The following PABPC4L variants were observed in gnomAD, a reference collection of about 807,000 sequenced individuals.
PABPC4L encodes the protein polyadenylate-binding protein 4-like.
For synonymous variants in PABPC4L, 169 were observed against 164.1 expected, an observed-to-expected ratio of 1.03 and a Z score of -0.23; for missense variants, 452 against 451.4, an observed-to-expected ratio of 1.00 and a Z score of -0.01.
At chr4:134,066,199 G>C in the PABPC4L span, among the ~76,000 whole-genome samples, 1 of 151,920 alleles carries the variant, frequency 6.6e-6, no homozygotes, top group Non-Finnish European at 1.5e-5. Flanking sequence ...TGAGAGTTTT[G>C]TTCATGTCAT....
At chr4:134,110,563 GT>G in the PABPC4L span, among the ~76,000 whole-genome samples, 4 of 376 alleles carry the variant, frequency 0.011, no homozygotes, top group East Asian at 0.29. Flanking sequence ...TCTGTCTTGT[GT>G]GTGTGTGTGT....
chr4:134,080,419 G>A, the PABPC4L span, among the ~76,000 whole-genome samples: 1 of 152,210 alleles, frequency 6.6e-6, no homozygotes, highest in Non-Finnish European at 1.5e-5. Context: ...TCCCAATATA[G>A]CAGTAGGAGT....
chr4:134,027,358 C>T, the PABPC4L span, among the ~76,000 whole-genome samples: 9 of 152,174 alleles, frequency 5.9e-5, no homozygotes, highest in African/African-American at 2.2e-4. Context: ...TCTTGAAATT[C>T]CAGCCAACCC....
rs975938272 is a variant in PABPC4L at position 134,200,986 on chromosome 4, G to A, written c.34C>T (p.Leu12=). The change falls in exon 2 of 2, where the codon CTG becomes TTG. Residue 12 remains leucine, a synonymous_variant. Coordinates refer to ENST00000421491, the MANE Select transcript of PABPC4L (RefSeq NM_001114734.2). ...TCTGCATGTAAGTCACCCACATACA[G>A]GGAGGCCATGCGGTACTTGGCTGCT... is the stretch of plus-strand genomic sequence containing the variant. The part of the protein sequence containing the change: ...NVAAKYRMAS[L]YVGDLHADVT... The A allele has an allele frequency of 1.9e-6, 3 of 1,552,504 alleles. No individual in the cohort carries two copies. The highest frequency in any genetic ancestry group is 2.6e-6 in the Non-Finnish European group (3 of 1,147,480).
the PABPC4L span, among the ~76,000 whole-genome samples, chr4:134,184,074 C>T: frequency 9.2e-5 from 14 of 151,910 alleles, no homozygotes; most frequent in South Asian, 2.9e-3. Context: ...TTCCCACTCT[C>T]TGAAATGAAG....
the PABPC4L span, among the ~76,000 whole-genome samples, chr4:134,043,252 T>G: frequency 6.6e-6 from 1 of 152,196 alleles, no homozygotes; most frequent in Admixed American, 6.5e-5. Flanking sequence ...TTGATGCTAT[T>G]AGTTTATTTA....
At chr4:134,076,450 G>A in the PABPC4L span, among the ~76,000 whole-genome samples, 2 of 152,124 alleles carry the variant, frequency 1.3e-5, no homozygotes, top group African/African-American at 4.8e-5. Flanking sequence ...GTGAAGATGG[G>A]AACATCTTCA....
At chr4:134,099,273 G>T in the PABPC4L span, among the ~76,000 whole-genome samples, 10 of 151,502 alleles carry the variant, frequency 6.6e-5, no homozygotes, top group Non-Finnish European at 1.5e-4. Context: ...AAACAAATAT[G>T]ACTCTTTTAT....
the PABPC4L span, among the ~76,000 whole-genome samples, chr4:134,184,923 T>C: frequency 0.022 from 3,395 of 152,050 alleles, 128 homozygotes; most frequent in African/African-American, 0.077. Flanking sequence ...TATTTTTATT[T>C]GTGAGTCTCT....
chr4:134,033,943 T>C, the PABPC4L span, among the ~76,000 whole-genome samples: 1 of 151,956 alleles, frequency 6.6e-6, no homozygotes, highest in African/African-American at 2.4e-5. Context: ...CACTAAACAA[T>C]AGATTTTCAA....
At chr4:134,161,735 CTT>C in the PABPC4L span, among the ~76,000 whole-genome samples, 1 of 152,062 alleles carries the variant, frequency 6.6e-6, no homozygotes, top group Non-Finnish European at 1.5e-5. Context: ...ACATATAAAA[CTT>C]ACTGGTAAAA....
the PABPC4L span, among the ~76,000 whole-genome samples, chr4:134,188,800 A>T: frequency 6.6e-6 from 1 of 152,128 alleles, no homozygotes; most frequent in African/African-American, 2.4e-5. Context: ...GCTTTTAATT[A>T]TCCTGCTCAG....
chr4:134,057,821 C>G, the PABPC4L span, among the ~76,000 whole-genome samples: 2 of 152,154 alleles, frequency 1.3e-5, no homozygotes, highest in South Asian at 4.1e-4. Flanking sequence ...TTCTTTCTAC[C>G]TTTCAGTCTT....
chr4:134,179,057 A>G, the PABPC4L span, among the ~76,000 whole-genome samples: 3 of 152,228 alleles, frequency 2.0e-5, no homozygotes, highest in African/African-American at 7.2e-5. Flanking sequence ...GAATCCCTCA[A>G]AATACTAAAT....
chr4:134,094,042 G>A, the PABPC4L span, among the ~76,000 whole-genome samples: 1 of 151,820 alleles, frequency 6.6e-6, no homozygotes, highest in African/African-American at 2.4e-5. Flanking sequence ...TGTATGAGAA[G>A]TCCATCTCTA....
At chr4:134,005,667 A>G in the PABPC4L span, among the ~76,000 whole-genome samples, 1 of 151,852 alleles carries the variant, frequency 6.6e-6, no homozygotes, top group Non-Finnish European at 1.5e-5. Flanking sequence ...TTCATGTACT[A>G]TAGACACTAG....
chr4:134,043,572 A>G, the PABPC4L span, among the ~76,000 whole-genome samples: 6 of 152,130 alleles, frequency 3.9e-5, no homozygotes, highest in Non-Finnish European at 8.8e-5. Flanking sequence ...TGCTAATTAG[A>G]ACATAGGTGA....
chr4:133,984,033 C>T, the PABPC4L span, among the ~76,000 whole-genome samples: 22 of 151,638 alleles, frequency 1.5e-4, no homozygotes, highest in Non-Finnish European at 4.4e-5. Flanking sequence ...AGCTCTGATC[C>T]ACTGAAAGTA....
At chr4:134,171,417 T>C in the PABPC4L span, among the ~76,000 whole-genome samples, 1 of 152,166 alleles carries the variant, frequency 6.6e-6, no homozygotes, top group Non-Finnish European at 1.5e-5. Context: ...CCTGGCCATA[T>C]GCATTACTGT....
Sources: allele counts gnomAD v4.1 joint callset (sites outside exome capture counted in the v4.1 genomes callset), GRCh38; gene constraint gnomAD v4.1.1; transcripts MANE v1.5; gene names NCBI Gene and HGNC (gene_info 2026-07-23, HGNC 2026-07-21).